Variants in ZNF701 observed in about 807,000 individuals in gnomAD.
ZNF701 encodes the protein zinc finger protein 701.
ZNF701 carries 6 observed loss-of-function variants against 7.1 expected under a neutral mutation model. The ratio of observed to expected loss-of-function variants is 0.84; its 90% confidence interval spans 0.46 to 1.66. ZNF701 has a LOEUF of 1.66. Among genes scored for constraint, ZNF701 ranks in the 40% most tolerant of loss-of-function variants. The probability of loss-of-function intolerance (pLI) is 0.01; values close to 1 mark genes in which losing one functional copy is unlikely to be tolerated. For missense variants in ZNF701, 541 were observed against 559.2 expected (o/e 0.97, Z 0.33); for synonymous variants, 166 against 188.2 (o/e 0.88, Z 0.97).
At chr19:52,595,686 C>G in the ZNF701 span, 5 of 1,403,064 alleles carry the variant, frequency 3.6e-6, no homozygotes, top group Admixed American at 8.8e-5. Context: ...GTGATTCACA[C>G]AGGGACGTTG....
chr19:52,577,836 G>T (rs113638451), intron 3 of ZNF701, among the ~76,000 whole-genome samples: 7,578 of 152,128 alleles, frequency 0.05, 220 homozygotes, highest in South Asian at 0.063. Context: ...CCTCCCTGTG[G>T]TGCTGTGCTT....
At chr19:52,592,358 G>A in the ZNF701 span, 1 of 1,004,110 alleles carries the variant, frequency 1.0e-6, no homozygotes, top group Non-Finnish European at 1.4e-6. Flanking sequence ...TTTCTACAGT[G>A]ATGACCCTCA....
the ZNF701 span, among the ~76,000 whole-genome samples, chr19:52,598,426 G>A: frequency 2.0e-5 from 3 of 152,118 alleles, no homozygotes; most frequent in South Asian, 2.1e-4. Flanking sequence ...GGGGCAGGGT[G>A]GGGGAGAGGG....
At chr19:52,573,997 G>T in intron 1 of ZNF701, 80 bp from the exon 2 acceptor site, 1 of 1,424,900 alleles carries the variant, frequency 7.0e-7, no homozygotes, top group Non-Finnish European at 9.6e-7. Flanking sequence ...CAGAGTGAGG[G>T]CACCTTTGTA....
chr19:52,599,712 G>T, the ZNF701 span, among the ~76,000 whole-genome samples: 1 of 152,114 alleles, frequency 6.6e-6, no homozygotes, highest in African/African-American at 2.4e-5. Flanking sequence ...ATGTTTCCAC[G>T]TGGCTATTTC....
At chr19:52,570,634 A>G (rs2059891530) in intron 1 of ZNF701, 1 of 152,098 alleles carries the variant, frequency 6.6e-6, no homozygotes, top group African/African-American at 2.4e-5. Context: ...TCCTCACCCG[A>G]GATGTGTATT....
At chr19:52,571,581 A>G (rs1207944393) in intron 1 of ZNF701, among the ~76,000 whole-genome samples, 3 of 152,068 alleles carry the variant, frequency 2.0e-5, no homozygotes, top group African/African-American at 7.2e-5. Flanking sequence ...GCTGGTCTCG[A>G]ACTCCTGACC....
chr19:52,575,473 T>C (rs2059928428), intron 2 of ZNF701, among the ~76,000 whole-genome samples: 1 of 152,080 alleles, frequency 6.6e-6, no homozygotes. Context: ...CAAAATAGAA[T>C]TTTGTACTTC....
At chr19:52,572,346 C>T (rs2059906784) in intron 1 of ZNF701, 1 of 1,287,704 alleles carries the variant, frequency 7.8e-7, no homozygotes, top group Admixed American at 2.3e-5. Flanking sequence ...TGAGCCACCG[C>T]ACTCAGCCTC....
chr19:52,578,101 C>T (rs1036675096), intron 3 of ZNF701, among the ~76,000 whole-genome samples: 1 of 151,134 alleles, frequency 6.6e-6, no homozygotes, highest in Admixed American at 6.6e-5. Flanking sequence ...AAAAATACAA[C>T]AAATTAGCTG....
At position 52,583,387 on chromosome 19, in the gene ZNF701, G is replaced by A. The variant is rs766902037; in HGVS notation, c.1328G>A (p.Cys443Tyr). ...GAGAAACCTTACAAGTGTAATGAAT[G>A]TGGCAAGGTTTTTAATCGAAAATCA... is the stretch of plus-strand genomic sequence containing the variant. ...TGEKPYKCNE[C>Y]GKVFNRKSNL... Residue 443 changes from cysteine to tyrosine, a missense_variant, in exon 4 of 4, where the codon TGT (cysteine) becomes TAT (tyrosine). Cys to Tyr is a radical substitution (Grantham distance 194, BLOSUM62 -2). Coordinates refer to ENST00000391785, the MANE Select transcript of ZNF701 (RefSeq NM_018260.3). The A allele has an allele frequency of 3.1e-6, 5 of 1,613,708 alleles. No individual in the cohort carries two copies. The highest frequency in any genetic ancestry group is 4.5e-5 in the East Asian group (2 of 44,878).
rs1312611510 is a variant in ZNF701, at chr19:52,584,883, G to GGGGTCTCCCCGC, written c.*1433_*1444dup. The GGGGTCTCCCCGC allele has an allele frequency of 1.3e-5, 2 of 152,210 alleles. No homozygotes were observed. The highest frequency in any genetic ancestry group is 2.9e-5 in the Non-Finnish European group (2 of 68,074). 9.4% of individuals were successfully genotyped at this position (152,210 alleles called of 1,614,324 possible). ...GACCCAGGCCCCGCCCACCTCCTCG[G>GGGGTCTCCCCGC]GGGTCTCCCCGCGGGTCTGGCTTCT... On this transcript the variant is annotated 3_prime_UTR_variant, in exon 4 of 4. Transcript: ENST00000391785.
At chr19:52,572,460 C>T (rs2059907376) in intron 1 of ZNF701, 1 of 1,217,574 alleles carries the variant, frequency 8.2e-7, no homozygotes, top group African/African-American at 1.6e-5. Context: ...TCAGTGGCAT[C>T]AGAACTTGCA....
chr19:52,593,006 AT>A, the ZNF701 span, among the ~76,000 whole-genome samples: 2 of 116,678 alleles, frequency 1.7e-5, 1 homozygote, highest in African/African-American at 6.6e-5. Context: ...GCCTTCAAGC[AT>A]CTGTTTAACA....
chr19:52,591,495 T>C (rs927744956), downstream of ZNF701, among the ~76,000 whole-genome samples: 11 of 149,794 alleles, frequency 7.3e-5, no homozygotes, highest in African/African-American at 2.8e-4. Context: ...ATATATATAG[T>C]TTGTTTGTTT....
rs567342505 is a variant in ZNF701, at chr19:52,579,736, C to T, written c.143-2466C>T. Among the ~76,000 whole-genome samples, 8 of 137,056 alleles carry T rather than the reference C, an allele frequency of 5.8e-5. No individual in the cohort carries two copies. The South Asian group carries it at 6.4e-4, about 11-fold the overall frequency. 89.9% of individuals were successfully genotyped at this position (137,056 alleles called of 152,430 possible). ...TAAAATTACAAAAATTATCCAGGCA[C>T]GGTCGTGGGTGGCAGTAATCCCAGC... On this transcript the variant is annotated intron_variant, in intron 3 of 3. Coordinates refer to ENST00000391785, the MANE Select transcript of ZNF701 (RefSeq NM_018260.3).
intron 1 of ZNF701, chr19:52,572,533 A>G (rs2059907916): frequency 5.2e-6 from 3 of 573,764 alleles, no homozygotes; most frequent in Non-Finnish European, 8.0e-6. Flanking sequence ...GATAGTTTTG[A>G]TAAGGCCAAC....
rs1435322768 is a variant in ZNF701 at position 52,586,578 on chromosome 19, T to C, written c.*3121T>C. On this transcript the variant is annotated 3_prime_UTR_variant, in exon 4 of 4. Transcript: ENST00000391785. ...CCAGTCCTGGCATTTTGTAGAAGGATGGCCAACGCAGCCTGTTGACCCTTC... is the reference window on the plus strand; with the variant it reads ...CCAGTCCTGGCATTTTGTAGAAGGACGGCCAACGCAGCCTGTTGACCCTTC... The C allele has an allele frequency of 3.9e-5, 6 of 151,954 alleles. No individual in the cohort carries two copies. Among genetic ancestry groups the C allele is most frequent in the Non-Finnish European group, 8.8e-5 (6 of 68,008 alleles). The allele number at this position is 151,954 out of a possible 1,614,324, so 9.4% of individuals were successfully genotyped here.
At chr19:52,578,508 A>G (rs1164746981) in intron 3 of ZNF701, among the ~76,000 whole-genome samples, 4 of 152,098 alleles carry the variant, frequency 2.6e-5, no homozygotes, top group South Asian at 2.1e-4. Flanking sequence ...GTGGTCCCCC[A>G]GGCCCAGCTG....
Sources: gnomAD v4.1 joint callset for allele counts (sites outside exome capture counted in the v4.1 genomes callset) on GRCh38, gnomAD v4.1.1 for gene constraint, MANE v1.5 for transcripts, NCBI Gene and HGNC (gene_info 2026-07-23, HGNC 2026-07-21) for gene names.